Variants in KIAA0825 observed in about 807,000 individuals in gnomAD.
The protein encoded by KIAA0825 is uncharacterized protein KIAA0825.
A neutral mutation model predicts 147.6 loss-of-function variants in KIAA0825; 119 were observed. That is an observed-to-expected ratio of 0.81 (90% CI 0.69 to 0.94). The LOEUF (loss-of-function observed/expected upper bound fraction) is 0.94. Ranked by LOEUF, KIAA0825 falls within the 40% of genes least tolerant of loss-of-function variation. KIAA0825 has a pLI of 0.00. For synonymous variants in KIAA0825, 470 were observed against 518.1 expected (o/e 0.91, Z 1.26); for missense variants, 1,381 against 1,472.7 (o/e 0.94, Z 1.02).
At chr5:94,392,293 T>C (rs1250921088) in intron 17 of KIAA0825, among the ~76,000 whole-genome samples, 1 of 152,206 alleles carries the variant, frequency 6.6e-6, no homozygotes, top group African/African-American at 2.4e-5. Context: ...CCTGTTTCTT[T>C]CTGTAACAGA....
chr5:94,458,737 C>T (rs1202593688), intron 12 of KIAA0825, among the ~76,000 whole-genome samples: 2 of 149,006 alleles, frequency 1.3e-5, no homozygotes, highest in African/African-American at 2.5e-5. Flanking sequence ...TGCATTCTGC[C>T]AGATACCTTT....
intron 14 of KIAA0825, among the ~76,000 whole-genome samples, chr5:94,419,796 C>T (rs1753938344): frequency 6.6e-6 from 1 of 152,072 alleles, no homozygotes; most frequent in Non-Finnish European, 1.5e-5. Flanking sequence ...AGGTGAGTGA[C>T]CATGCATCTG....
At chr5:94,467,101 C>T (rs1034038046) in intron 10 of KIAA0825, among the ~76,000 whole-genome samples, 2 of 152,160 alleles carry the variant, frequency 1.3e-5, no homozygotes. Context: ...TTTGGGCACA[C>T]AGATTTCTTC....
intron 14 of KIAA0825, among the ~76,000 whole-genome samples, chr5:94,427,004 T>G (rs1213068532): frequency 6.6e-6 from 1 of 152,190 alleles, no homozygotes; most frequent in Non-Finnish European, 1.5e-5. Flanking sequence ...ATAATTATGA[T>G]GAAGACTGTA....
rs549506135 is a variant in KIAA0825 at position 94,151,566 on chromosome 5, A to C, written c.*2441T>G. 6.6e-6 allele frequency among the ~76,000 whole-genome samples: 1 copy of C among 152,216 alleles called. No individual in the cohort carries two copies. Among genetic ancestry groups the C allele is most frequent in the Non-Finnish European group, 1.5e-5 (1 of 68,008 alleles). On this transcript the variant is annotated 3_prime_UTR_variant, in exon 21 of 21. Transcript: ENST00000682413. ...TAATAATTTCACTGAACAAGCACAG[A>C]ATAGAATTCAACTGCAAGGCCTCTT... is the stretch of plus-strand genomic sequence containing the variant.
intron 20 of KIAA0825, among the ~76,000 whole-genome samples, chr5:94,299,820 A>AG (rs1778306072): frequency 1.3e-5 from 2 of 152,208 alleles, no homozygotes; most frequent in South Asian, 4.1e-4. Flanking sequence ...GCTAGAGCCA[A>AG]TAACTATTTC....
intron 20 of KIAA0825, among the ~76,000 whole-genome samples, chr5:94,370,629 G>A (rs977491958): frequency 7.9e-5 from 12 of 152,042 alleles, no homozygotes; most frequent in African/African-American, 2.7e-4. Flanking sequence ...AGTATCGGCC[G>A]GTTGCTGTGG....
chr5:94,158,810 C>T (rs1240737603), intron 20 of KIAA0825, among the ~76,000 whole-genome samples: 1 of 152,028 alleles, frequency 6.6e-6, no homozygotes. Flanking sequence ...AATAATAGTG[C>T]CTGCTTCACA....
chr5:94,610,326 A>G (rs1788458436), intron 1 of KIAA0825, among the ~76,000 whole-genome samples: 3 of 151,456 alleles, frequency 2.0e-5, no homozygotes, highest in South Asian at 4.2e-4. Context: ...AGGCTGAGAC[A>G]ATGAGAATTG....
intron 13 of KIAA0825, 150 bp downstream of exon 13, chr5:94,452,809 A>G (rs554796476): frequency 2.1e-6 from 1 of 476,004 alleles, no homozygotes; most frequent in South Asian, 4.9e-5. Context: ...AGAAAAGAGA[A>G]ATAATACTCT....
intron 14 of KIAA0825, among the ~76,000 whole-genome samples, chr5:94,422,171 T>G (rs563940745): frequency 6.6e-6 from 1 of 152,326 alleles, no homozygotes. Context: ...TTTGACCTAC[T>G]ACTGCCCTTT....
At chr5:94,557,620 G>A (rs537139739) in intron 2 of KIAA0825, among the ~76,000 whole-genome samples, 2 of 152,158 alleles carry the variant, frequency 1.3e-5, no homozygotes, top group Admixed American at 1.3e-4. Flanking sequence ...TTGCAACTTA[G>A]CTCACACGTG....
intron 20 of KIAA0825, among the ~76,000 whole-genome samples, chr5:94,282,377 AGAACTGTCCTGCTAGATAT>A (rs1265348259): frequency 6.6e-6 from 1 of 152,134 alleles, no homozygotes; most frequent in Non-Finnish European, 1.5e-5. Context: ...TTAAAAAGAA[AGAACTGTCCTGCTAGATAT>A]TAAGACATAC....
rs1210377896 is a variant in KIAA0825 at position 94,484,659 on chromosome 5, G to T, written c.1132+110C>A. 8 of 678,556 alleles carry T rather than the reference G, an allele frequency of 1.2e-5. No individual in the cohort carries two copies. The South Asian group carries it at 2.4e-4, about 20-fold the overall frequency. The allele number at this position is 678,556 out of a possible 1,614,324, so 42.0% of individuals were successfully genotyped here. ...GCATTATACCAAATGCTTATTTAAA[G>T]AATTCTTTCATGTGTGTTTTTTTCA... is the stretch of plus-strand genomic sequence containing the variant. On this transcript the variant is annotated intron_variant, in intron 6 of 20. Coordinates refer to ENST00000682413, the MANE Select transcript of KIAA0825 (RefSeq NM_001145678.3).
chr5:94,577,320 G>T, intron 2 of KIAA0825, among the ~76,000 whole-genome samples: 1 of 152,174 alleles, frequency 6.6e-6, no homozygotes, highest in East Asian at 1.9e-4. Flanking sequence ...ACAAAGGATA[G>T]ATAAAATCAG....
chr5:94,572,371 T>A (rs1463321700), intron 2 of KIAA0825, among the ~76,000 whole-genome samples: 2 of 152,126 alleles, frequency 1.3e-5, no homozygotes, highest in Non-Finnish European at 2.9e-5. Flanking sequence ...TACCTTACAA[T>A]CCTTCTGGAA....
At chr5:94,565,213 G>A (rs1778474926) in intron 2 of KIAA0825, among the ~76,000 whole-genome samples, 1 of 147,456 alleles carries the variant, frequency 6.8e-6, no homozygotes, top group African/African-American at 2.5e-5. Context: ...GATTATAGGT[G>A]TGAGCCACCA....
chr5:94,405,575 C>T (rs894601284), intron 15 of KIAA0825, among the ~76,000 whole-genome samples: 1 of 152,118 alleles, frequency 6.6e-6, no homozygotes, highest in Non-Finnish European at 1.5e-5. Context: ...GCATACTTTC[C>T]TGCTTTAGAA....
chr5:94,410,704 T>C (rs986216455), intron 15 of KIAA0825, among the ~76,000 whole-genome samples: 1 of 152,112 alleles, frequency 6.6e-6, no homozygotes, highest in Admixed American at 6.6e-5. Flanking sequence ...TTTACAGTGC[T>C]AAAGGAAAAA....
Sources: gnomAD v4.1 joint callset for allele counts (sites outside exome capture counted in the v4.1 genomes callset) on GRCh38, gnomAD v4.1.1 for gene constraint, MANE v1.5 for transcripts, NCBI Gene and HGNC (gene_info 2026-07-23, HGNC 2026-07-21) for gene names.